The following LAMP3 variants were observed in gnomAD, a reference collection of about 807,000 sequenced individuals.
LAMP3 encodes lysosome associated membrane protein 3.
In LAMP3, 26 loss-of-function variants were observed where a neutral mutation model predicts 34.8. The observed-to-expected ratio is 0.75, with a 90% CI of 0.55 to 1.04. LAMP3 has a LOEUF of 1.04. Ranked by LOEUF, LAMP3 falls within the 50% of genes least tolerant of loss-of-function variation. LAMP3 has a pLI of 0.00. For missense variants in LAMP3, 495 were observed against 524.0 expected, an observed-to-expected ratio of 0.94 and a Z score of 0.54; for synonymous variants, 180 against 201.9, an observed-to-expected ratio of 0.89 and a Z score of 0.92.
intron 3 of LAMP3, among the ~76,000 whole-genome samples, chr3:183,141,268 A>G (rs1167561591): frequency 6.6e-6 from 1 of 152,064 alleles, no homozygotes; most frequent in Non-Finnish European, 1.5e-5. Context: ...CTAGAAGAGA[A>G]CCCCAAGTGG....
At chr3:183,146,325 T>C (rs1159056216) in intron 3 of LAMP3, among the ~76,000 whole-genome samples, 2 of 152,198 alleles carry the variant, frequency 1.3e-5, no homozygotes, top group Non-Finnish European at 2.9e-5. Flanking sequence ...TGAGAAGTGC[T>C]GGTTTAGAAA....
Position 183,147,036 on chromosome 3 carries a change from G to A in LAMP3, c.888+5339C>T, listed in dbSNP as rs1407977315. 2.0e-5 allele frequency among the ~76,000 whole-genome samples: 3 copies of A among 151,948 alleles called. No homozygotes were observed. The East Asian group carries it at 5.8e-4, about 30-fold the overall frequency. ...AGGCAGGTGGATCACGAGGTCAGGAGATCGAGACCATCCTGGCTAACATGG... is the reference window on the plus strand; with the variant it reads ...AGGCAGGTGGATCACGAGGTCAGGAAATCGAGACCATCCTGGCTAACATGG... On this transcript the variant is annotated intron_variant, in intron 3 of 5. Transcript: ENST00000265598.
chr3:183,139,072 C>A (rs112717651), intron 4 of LAMP3, among the ~76,000 whole-genome samples: 68 of 152,232 alleles, frequency 4.5e-4, no homozygotes, highest in African/African-American at 1.5e-3. Context: ...CTCCACTCCC[C>A]CTGCTTGTGT....
At chr3:183,152,250 C>T in intron 3 of LAMP3, 125 bp downstream of exon 3, 1 of 1,082,952 alleles carries the variant, frequency 9.2e-7, no homozygotes, top group Non-Finnish European at 1.3e-6. Flanking sequence ...TCTCCATCCC[C>T]AAACCCCTCA....
Position 183,153,754 on chromosome 3 carries a change from C to T in LAMP3, c.687G>A (p.Gln229=), listed in dbSNP as rs1375324561. ...TACAGAGTCTGCTTCCGTTTAGAAC[C>T]TGATAAATTCCAGTCTTGACTGACG... The part of the protein sequence containing the change: ...QPSSVKTGIY[Q]VLNGSRLCIK... The change falls in exon 2 of 6, where the codon CAG becomes CAA. Residue 229 remains glutamine (Q), a synonymous_variant. Coordinates refer to ENST00000265598, the MANE Select transcript of LAMP3 (RefSeq NM_014398.4). 1 of 1,554,242 alleles carries T rather than the reference C, an allele frequency of 6.4e-7. No individual in the cohort carries two copies. Among genetic ancestry groups the T allele is most frequent in the African/African-American group, 1.4e-5 (1 of 73,152 alleles).
rs368879829 is a variant in LAMP3, at chr3:183,153,003, C to T, written c.760-500G>A. Among the ~76,000 whole-genome samples the T allele has an allele frequency of 5.7e-3, 868 of 151,878 alleles. 11 individuals carry two copies. Among genetic ancestry groups the T allele is most frequent in the African/African-American group, 0.019 (800 of 41,436 alleles). On this transcript the variant is annotated intron_variant, in intron 2 of 5. Coordinates refer to ENST00000265598, the MANE Select transcript of LAMP3 (RefSeq NM_014398.4). The stretch of plus-strand genomic sequence containing the variant: ...CAGCCTGGCCAACTTAGTGAAACCC[C>T]GTCTCTACTAAAAATACAAAAATTA...
chr3:183,162,470 C>T (rs760457465), intron 1 of LAMP3, 137 bp downstream of exon 1: 11 of 830,180 alleles, frequency 1.3e-5, no homozygotes, highest in Admixed American at 2.2e-5. Context: ...AAAACAAGTT[C>T]CAGCTGGGAA....
Position 183,146,367 on chromosome 3 carries a change from G to A in LAMP3, c.889-5772C>T, listed in dbSNP as rs114686630. ...ACATTTCAAAAGCGACTGACTGAAT[G>A]GTTGAGTCCATTTCTCTTTTGGAAA... On this transcript the variant is annotated intron_variant, in intron 3 of 5. Coordinates refer to ENST00000265598, the MANE Select transcript of LAMP3 (RefSeq NM_014398.4). Among the ~76,000 whole-genome samples the A allele has an allele frequency of 4.4e-3, 672 of 152,232 alleles. 8 individuals are homozygous for A. Among genetic ancestry groups the A allele is most frequent in the African/African-American group, 0.015 (623 of 41,540 alleles).
At chr3:183,130,722 G>A (rs1719894239) in intron 5 of LAMP3, among the ~76,000 whole-genome samples, 1 of 152,144 alleles carries the variant, frequency 6.6e-6, no homozygotes, top group Non-Finnish European at 1.5e-5. Flanking sequence ...GCGATCGTCT[G>A]CTTTGGGGTT....
chr3:183,134,451 T>C (rs149179192), intron 5 of LAMP3, among the ~76,000 whole-genome samples: 40 of 152,344 alleles, frequency 2.6e-4, no homozygotes, highest in East Asian at 1.9e-3. Context: ...TCCTGCTTCA[T>C]AGAGGTTCTG....
intron 3 of LAMP3, among the ~76,000 whole-genome samples, chr3:183,150,890 C>A (rs1005055153): frequency 6.6e-6 from 1 of 152,096 alleles, no homozygotes; most frequent in African/African-American, 2.4e-5. Flanking sequence ...AGGGATAGAG[C>A]AGTTACTCTA....
chr3:183,147,718 G>A (rs1030228414), intron 3 of LAMP3, among the ~76,000 whole-genome samples: 2 of 151,674 alleles, frequency 1.3e-5, no homozygotes, highest in African/African-American at 4.8e-5. Flanking sequence ...AGCTCTTATT[G>A]ATTGATGTCT....
intron 1 of LAMP3, among the ~76,000 whole-genome samples, chr3:183,154,806 G>A (rs529265122): frequency 5.5e-4 from 84 of 152,280 alleles, no homozygotes; most frequent in African/African-American, 1.9e-3. Context: ...GATAGAGCTG[G>A]GGCAGCATGA....
At chr3:183,139,109 G>A (rs549779515) in intron 4 of LAMP3, among the ~76,000 whole-genome samples, 2 of 152,158 alleles carry the variant, frequency 1.3e-5, no homozygotes, top group Admixed American at 1.3e-4. Context: ...TCACTACTGG[G>A]CCAGGTGCAG....
chr3:183,153,315 C>G (rs1336827731), intron 2 of LAMP3, among the ~76,000 whole-genome samples: 1 of 151,970 alleles, frequency 6.6e-6, no homozygotes, highest in African/African-American at 2.4e-5. Context: ...CCATAGAGAC[C>G]ATCTGACTTA....
At chr3:183,128,288 G>A (rs1424805735) in intron 5 of LAMP3, among the ~76,000 whole-genome samples, 1 of 152,108 alleles carries the variant, frequency 6.6e-6, no homozygotes, top group Non-Finnish European at 1.5e-5. Flanking sequence ...CCCATTAGAT[G>A]ATTCCTTTCC....
At chr3:183,131,388 C>G (rs535851964) in intron 5 of LAMP3, among the ~76,000 whole-genome samples, 3 of 152,300 alleles carry the variant, frequency 2.0e-5, no homozygotes, top group Admixed American at 1.3e-4. Flanking sequence ...ACACTGGACA[C>G]AGGGGAGCCT....
chr3:183,131,600 C>T (rs779535916), intron 5 of LAMP3, among the ~76,000 whole-genome samples: 4 of 152,130 alleles, frequency 2.6e-5, no homozygotes, highest in African/African-American at 4.8e-5. Context: ...TTTGAAGCTG[C>T]GGTGTGCCCT....
At position 183,135,739 on chromosome 3, in the gene LAMP3, A is replaced by G; in HGVS notation, c.1095T>C (p.Phe365=). The G allele has an allele frequency of 6.2e-7, 1 of 1,614,176 alleles. No homozygotes were observed. The highest frequency in any genetic ancestry group is 8.5e-7 in the Non-Finnish European group (1 of 1,180,004). Residue 365 remains phenylalanine (F), a synonymous_variant, in exon 5 of 6, where the codon TTT becomes TTC. Transcript: ENST00000265598. ...TTDVQLQAFD[F]EDDHFGNVDE... is the part of the protein sequence containing the mutation. ...TACCATTTCCAAAGTGGTCATCTTCAAAATCAAAGGCTTGAAGTTGGACAT... is the reference window on the plus strand; with the variant it reads ...TACCATTTCCAAAGTGGTCATCTTCGAAATCAAAGGCTTGAAGTTGGACAT...
Sources: gnomAD v4.1 joint callset for allele counts (sites outside exome capture counted in the v4.1 genomes callset) on GRCh38, gnomAD v4.1.1 for gene constraint, MANE v1.5 for transcripts, NCBI Gene and HGNC (gene_info 2026-07-23, HGNC 2026-07-21) for gene names.